Variants in TOGARAM2 observed in about 807,000 individuals in gnomAD.
TOGARAM2 encodes the protein TOG array regulator of axonemal microtubules protein 2.
TOGARAM2 carries 85 observed loss-of-function variants against 93.3 expected under a neutral mutation model. The ratio of observed to expected loss-of-function variants is 0.91; its 90% CI spans 0.76 to 1.09. TOGARAM2 has a LOEUF of 1.09. Ranked by LOEUF, TOGARAM2 falls within the 50% of genes least tolerant of loss-of-function variation. The pLI is 0.00. For synonymous variants in TOGARAM2, 593 were observed against 552.8 expected, an observed-to-expected ratio of 1.07 and a Z score of -1.02; for missense variants, 1,277 against 1,334.5, an observed-to-expected ratio of 0.96 and a Z score of 0.67.
intron 2 of TOGARAM2, among the ~76,000 whole-genome samples, chr2:28,996,008 A>T (rs1672971957): frequency 6.6e-6 from 1 of 152,242 alleles, no homozygotes; most frequent in Admixed American, 6.5e-5. Flanking sequence ...TTCCTAGGGA[A>T]GCTGCAGGGC....
intron 14 of TOGARAM2, among the ~76,000 whole-genome samples, chr2:29,031,434 G>A (rs1023094453): frequency 6.6e-6 from 1 of 152,204 alleles, no homozygotes; most frequent in Non-Finnish European, 1.5e-5. Context: ...ACTACACTAT[G>A]AGCCTTTCTT....
chr2:29,006,143 G>T (rs1466806924), intron 6 of TOGARAM2, among the ~76,000 whole-genome samples: 2 of 140,336 alleles, frequency 1.4e-5, no homozygotes, highest in Non-Finnish European at 3.1e-5. Flanking sequence ...GTGAGAGCAT[G>T]CATGTGCGTA....
intron 6 of TOGARAM2, among the ~76,000 whole-genome samples, chr2:29,008,569 G>A (rs1664028144): frequency 6.6e-6 from 1 of 152,198 alleles, no homozygotes; most frequent in African/African-American, 2.4e-5. Context: ...TAATTCTTCT[G>A]CCTCAGCCTC....
In TOGARAM2 at chr2:28,999,272, G is replaced by C; in HGVS notation, c.231G>C (p.Leu77=). Reference sequence around the variant, plus strand: ...TCGGACAGCTGGGTGGCCTCAAGCTGGACACCCCTTCCAAGGGCTGGCAGG... The same window carrying C: ...TCGGACAGCTGGGTGGCCTCAAGCTCGACACCCCTTCCAAGGGCTGGCAGG... ...RGLGQLGGLK[L]DTPSKGWQAR... is the part of the protein sequence containing the mutation. The change falls in exon 4 of 20, where the codon CTG becomes CTC. Residue 77 remains leucine, a synonymous_variant. Transcript: ENST00000379558. 6.2e-7 allele frequency: 1 copy of C among 1,606,880 alleles called. No individual in the cohort carries two copies. Among genetic ancestry groups the C allele is most frequent in the African/African-American group, 1.3e-5 (1 of 74,986 alleles).
At chr2:28,980,171 G>C (rs1572622965), upstream of TOGARAM2, among the ~76,000 whole-genome samples, 1 of 152,324 alleles carries the variant, frequency 6.6e-6, no homozygotes, top group African/African-American at 2.4e-5. Context: ...GTGACCTCTG[G>C]CTTGGGGCCA....
chr2:28,976,243 T>A lies in TOGARAM2; in HGVS notation c.-146-18482T>A, dbSNP rs188075111. ...ATAATTAGCCGGACGTGGTGGCGGGTGCCTGTAGTCCCAGCTACTCAGGAG... is the reference window on the plus strand; with the variant it reads ...ATAATTAGCCGGACGTGGTGGCGGGAGCCTGTAGTCCCAGCTACTCAGGAG... On this transcript the variant is annotated intron_variant, in intron 1 of 6. Coordinates refer to the TOGARAM2 transcript ENST00000401723. Among the ~76,000 whole-genome samples, 12 of 152,114 alleles carry A rather than the reference T, an allele frequency of 7.9e-5. No individual in the cohort carries two copies. In the South Asian group the frequency reaches 1.9e-3, roughly 24 times the overall value.
chr2:29,004,757 AGT>A (rs200171554), intron 6 of TOGARAM2, among the ~76,000 whole-genome samples: 2,001 of 141,074 alleles, frequency 0.014, 30 homozygotes, highest in African/African-American at 0.044. Context: ...TGTGTGTCTG[AGT>A]GTGTGTGTGC....
At chr2:29,036,987 G>A (rs1024043688) in intron 18 of TOGARAM2, among the ~76,000 whole-genome samples, 1 of 152,254 alleles carries the variant, frequency 6.6e-6, no homozygotes, top group African/African-American at 2.4e-5. Context: ...ATGTGGAGAT[G>A]ATCCAGTCCA....
Position 29,002,533 on chromosome 2 carries a change from C to T in TOGARAM2, c.428-3C>T, listed in dbSNP as rs1367014538. On this transcript the variant is annotated splice_polypyrimidine_tract_variant and splice_region_variant and intron_variant, in intron 4 of 19. Coordinates refer to ENST00000379558, the MANE Select transcript of TOGARAM2 (RefSeq NM_199280.4). Reference sequence around the variant, plus strand: ...CTGATTTCCCATCCCCATCCCTGTACAGCCTCTCTGGATCCAGGGGGAGGC... The same window carrying T: ...CTGATTTCCCATCCCCATCCCTGTATAGCCTCTCTGGATCCAGGGGGAGGC... 7 of 1,612,402 alleles carry T rather than the reference C, an allele frequency of 4.3e-6. No homozygotes were observed. The South Asian group carries it at 4.4e-5, about 10-fold the overall frequency.
chr2:29,036,800 C>T, intron 18 of TOGARAM2, 43 bp downstream of exon 18: 1 of 1,564,760 alleles, frequency 6.4e-7, no homozygotes, highest in African/African-American at 1.4e-5. Flanking sequence ...GTCACCATGT[C>T]CACCCTCCTG....
chr2:28,972,942 A>G (rs1572618772), intron 1 of TOGARAM2, among the ~76,000 whole-genome samples: 1 of 151,400 alleles, frequency 6.6e-6, no homozygotes, highest in Non-Finnish European at 1.5e-5. Context: ...GTCCTCCTAC[A>G]CTCCTGTTAA....
rs139483846 is a variant in TOGARAM2, at chr2:28,987,779, G to A, written c.-111+6241G>A. On this transcript the variant is annotated intron_variant, in intron 1 of 19. Transcript: ENST00000379558. The stretch of plus-strand genomic sequence containing the variant: ...CTGATCTCACGATGGGAGAGGAGAC[G>A]CCATCTGCAGCAGTGGTGGTAGACC... Among the ~76,000 whole-genome samples, 510 of 152,326 alleles carry A rather than the reference G, an allele frequency of 3.3e-3. 2 individuals are homozygous for A. The highest frequency in any genetic ancestry group is 0.011 in the African/African-American group (478 of 41,582).
At chr2:29,023,515 G>A (rs17007451) in intron 12 of TOGARAM2, among the ~76,000 whole-genome samples, 1,936 of 152,330 alleles carry the variant, frequency 0.013, 36 homozygotes, top group African/African-American at 0.043. Flanking sequence ...CAGGGCAGTG[G>A]TAGTATTTCC....
chr2:28,993,464 G>T (rs746934403), intron 1 of TOGARAM2, among the ~76,000 whole-genome samples: 6 of 152,220 alleles, frequency 3.9e-5, no homozygotes, highest in Admixed American at 3.3e-4. Flanking sequence ...GAAGTTTGGG[G>T]TGTTGGTGCC....
chr2:29,013,461 G>T (rs866647752), intron 7 of TOGARAM2, among the ~76,000 whole-genome samples: 9 of 152,280 alleles, frequency 5.9e-5, no homozygotes, highest in Middle Eastern at 3.4e-3. Flanking sequence ...GCTGGTAGTG[G>T]CTCAGTCCAA....
Position 29,017,805 on chromosome 2 carries a change from C to T in TOGARAM2, c.1209C>T (p.Leu403=). ...CTGTGTCCACAGGCCTCCTTCCCCTCCGGGGCAGCGGGACACTGTCTGTGC... is the reference window on the plus strand; with the variant it reads ...CTGTGTCCACAGGCCTCCTTCCCCTTCGGGGCAGCGGGACACTGTCTGTGC... ...RAFMKEGLLP[L]RGSGTLSVPT... The change falls in exon 10 of 20, where the codon CTC becomes CTT. Residue 403 remains leucine (L), a synonymous_variant. Transcript: ENST00000379558. The T allele has an allele frequency of 6.2e-7, 1 of 1,609,966 alleles. No individual in the cohort carries two copies. Among genetic ancestry groups the T allele is most frequent in the Middle Eastern group, 1.7e-4 (1 of 6,050 alleles).
intron 2 of TOGARAM2, 76 bp from the exon 3 acceptor site, chr2:28,998,067 C>T (rs1196452210): frequency 1.6e-5 from 16 of 1,024,164 alleles, no homozygotes; most frequent in African/African-American, 4.9e-5. Context: ...GGGTTACGGC[C>T]GGGTGTTCTT....
chr2:28,997,203 G>C (rs932204290), intron 2 of TOGARAM2, among the ~76,000 whole-genome samples: 2 of 143,856 alleles, frequency 1.4e-5, no homozygotes, highest in Non-Finnish European at 3.2e-5. Context: ...CTATCCATCC[G>C]ACAAAGGATT....
chr2:29,022,099 A>T, intron 10 of TOGARAM2, 59 bp from the exon 11 acceptor site: 1 of 1,607,666 alleles, frequency 6.2e-7, no homozygotes, highest in South Asian at 1.1e-5. Flanking sequence ...AGGAGCGGCC[A>T]CTCGGGCTCT....
Sources: allele counts gnomAD v4.1 joint callset (sites outside exome capture counted in the v4.1 genomes callset), GRCh38; gene constraint gnomAD v4.1.1; transcripts MANE v1.5; gene names NCBI Gene and HGNC (gene_info 2026-07-23, HGNC 2026-07-21).